HSD17B11: variants seen among roughly 807,000 people sequenced by gnomAD.
HSD17B11 encodes estradiol 17-beta-dehydrogenase 11.
In HSD17B11, 22 loss-of-function variants were observed where a neutral mutation model predicts 27.8. That is an observed-to-expected ratio of 0.79 (90% CI 0.56 to 1.13). The LOEUF (loss-of-function observed/expected upper bound fraction) is 1.13, where lower values mean the gene tolerates loss of function less well. Among genes scored for constraint, HSD17B11 ranks in the 50% most tolerant of loss-of-function variants. HSD17B11 has a pLI of 0.00. For synonymous variants in HSD17B11, 117 were observed against 132.8 expected, an observed-to-expected ratio of 0.88 and a Z score of 0.82; for missense variants, 314 against 351.1, an observed-to-expected ratio of 0.89 and a Z score of 0.84.
At chr4:87,382,448 A>AAT in intron 1 of HSD17B11, 86 bp from the exon 2 acceptor site, 1 of 857,384 alleles carries the variant, frequency 1.2e-6, no homozygotes, top group Non-Finnish European at 1.9e-6. Context: ...ATAATTTTTA[A>AAT]AAAGTAGTGA....
chr4:87,385,375 T>C (rs1720282204), intron 1 of HSD17B11, among the ~76,000 whole-genome samples: 1 of 152,156 alleles, frequency 6.6e-6, no homozygotes, highest in South Asian at 2.1e-4. Flanking sequence ...CAGAGTATCA[T>C]ATTCATAGAG....
At chr4:87,379,947 A>G (rs1321965235) in intron 2 of HSD17B11, among the ~76,000 whole-genome samples, 1 of 147,278 alleles carries the variant, frequency 6.8e-6, no homozygotes, top group Non-Finnish European at 1.5e-5. Context: ...TAAGTATATA[A>G]TATTTATCAG....
At chr4:87,346,881 A>G (rs1461759698) in intron 5 of HSD17B11, among the ~76,000 whole-genome samples, 1 of 151,812 alleles carries the variant, frequency 6.6e-6, no homozygotes, top group Non-Finnish European at 1.5e-5. Context: ...AAAAATATAT[A>G]TATGTATATT....
rs57139706 is a variant in HSD17B11, at chr4:87,357,949, A to ATTTTTTTTTTTTTTTTTT, written c.558-551_558-534dup. ...TTGTAACTGAACATTCATTAGAGAA[A>ATTTTTTTTTTTTTTTTTT]TTTTTTTTTTTTTTTTTTTTTTTTT... On this transcript the variant is annotated intron_variant, in intron 4 of 6. Transcript: ENST00000358290. 3.5e-4 allele frequency among the ~76,000 whole-genome samples: 28 copies of ATTTTTTTTTTTTTTTTTT among 80,234 alleles called. 3 individuals carry two copies. The highest frequency in any genetic ancestry group is 5.6e-4 in the Non-Finnish European group (23 of 41,332). The allele number at this position is 80,234 out of a possible 152,430, so 52.6% of individuals were successfully genotyped here. A position where few individuals can be genotyped will look rare whatever the true frequency, so the allele number is the denominator to read the frequency against.
intron 5 of HSD17B11, among the ~76,000 whole-genome samples, chr4:87,353,712 C>G (rs1037727111): frequency 6.6e-6 from 1 of 151,664 alleles, no homozygotes; most frequent in East Asian, 1.9e-4. Context: ...ACGTTAAGGT[C>G]AGCTCTGTGC....
intron 6 of HSD17B11, among the ~76,000 whole-genome samples, chr4:87,338,311 G>A (rs7665638): frequency 1.3e-5 from 2 of 152,010 alleles, no homozygotes; most frequent in African/African-American, 4.8e-5. Context: ...TATTTAGGGA[G>A]TTGTCACATT....
At chr4:87,388,085 T>C (rs558260126) in intron 1 of HSD17B11, among the ~76,000 whole-genome samples, 73 of 151,724 alleles carry the variant, frequency 4.8e-4, no homozygotes, top group African/African-American at 1.7e-3. Context: ...GCTCCAGCCC[T>C]TTAAATCTCT....
At chr4:87,345,627 A>G (rs1735256224) in intron 5 of HSD17B11, among the ~76,000 whole-genome samples, 1 of 152,182 alleles carries the variant, frequency 6.6e-6, no homozygotes, top group Non-Finnish European at 1.5e-5. Flanking sequence ...AAGCAGGGAC[A>G]TTCCTGCTGA....
At chr4:87,368,636 C>T (rs1033471202) in intron 4 of HSD17B11, among the ~76,000 whole-genome samples, 2 of 152,160 alleles carry the variant, frequency 1.3e-5, no homozygotes, top group African/African-American at 2.4e-5. Context: ...AGACTGTTAA[C>T]GCATTCTAAG....
chr4:87,365,726 A>G (rs895120799), intron 4 of HSD17B11, among the ~76,000 whole-genome samples: 2 of 137,230 alleles, frequency 1.5e-5, no homozygotes, highest in African/African-American at 2.9e-5. Context: ...AAGGTGTATA[A>G]AAAAGGTGAA....
intron 6 of HSD17B11, among the ~76,000 whole-genome samples, chr4:87,338,200 G>A (rs1297531464): frequency 6.6e-6 from 1 of 152,084 alleles, no homozygotes; most frequent in African/African-American, 2.4e-5. Context: ...CTGGGCGACA[G>A]AGCGAGACTC....
chr4:87,342,853 C>G (rs2110112734), intron 5 of HSD17B11, among the ~76,000 whole-genome samples: 1 of 152,272 alleles, frequency 6.6e-6, no homozygotes, highest in South Asian at 2.1e-4. Context: ...AAATCGATGG[C>G]TTTTGGCCTA....
At chr4:87,365,706 T>C (rs765184356) in intron 4 of HSD17B11, among the ~76,000 whole-genome samples, 1 of 151,762 alleles carries the variant, frequency 6.6e-6, no homozygotes, top group Non-Finnish European at 1.5e-5. Flanking sequence ...GAAGAAACAG[T>C]TTTACATGCA....
intron 4 of HSD17B11, 52 bp from the exon 5 acceptor site, chr4:87,357,468 G>T (rs772041785): frequency 6.5e-7 from 1 of 1,545,342 alleles, no homozygotes; most frequent in Non-Finnish European, 8.8e-7. Flanking sequence ...ATGTCTGCCT[G>T]TTTTCCTCAG....
intron 2 of HSD17B11, among the ~76,000 whole-genome samples, chr4:87,379,018 C>G (rs1344804901): frequency 7.6e-6 from 1 of 131,828 alleles, no homozygotes; most frequent in East Asian, 2.2e-4. Context: ...GGTGCAGTGG[C>G]ATGATCTCAG....
chr4:87,358,359 T>G (rs1236127454), intron 4 of HSD17B11, among the ~76,000 whole-genome samples: 1 of 152,218 alleles, frequency 6.6e-6, no homozygotes, highest in Non-Finnish European at 1.5e-5. Flanking sequence ...GCACAGTGCT[T>G]GGCTCTTAGG....
At chr4:87,378,961 T>TA (rs1491313608) in intron 2 of HSD17B11, among the ~76,000 whole-genome samples, 207 of 17,530 alleles carry the variant, frequency 0.012, 25 homozygotes, top group East Asian at 0.024. Flanking sequence ...TATATATATA[T>TA]TTTTTTTTTT....
chr4:87,354,306 A>AT (rs1225901495), intron 5 of HSD17B11, among the ~76,000 whole-genome samples: 162 of 152,192 alleles, frequency 1.1e-3, no homozygotes, highest in African/African-American at 3.8e-3. Context: ...CTCCACTAAA[A>AT]AAATAATAAT....
rs1735746390 is a variant in HSD17B11 at position 87,372,814 on chromosome 4, G to C, written c.452C>G (p.Thr151Ser). 1 of 1,587,630 alleles carries C rather than the reference G, an allele frequency of 6.3e-7. No individual in the cohort carries two copies. The highest frequency in any genetic ancestry group is 2.2e-5 in the East Asian group (1 of 44,762). Residue 151 changes from threonine to serine, a missense_variant and splice_region_variant, in exon 4 of 7, where the codon ACT becomes AGT. Physicochemically the swap from Thr to Ser is moderately conservative, Grantham distance 58. Transcript: ENST00000358290. ...FEVNVLAHFW[T>S]TKAFLPAMTK... ...CATTGCAGGAAGAAATGCCTTTGTAGTCTACAAATAGTTTTTATTAAAAGA... is the reference window on the plus strand; with the variant it reads ...CATTGCAGGAAGAAATGCCTTTGTACTCTACAAATAGTTTTTATTAAAAGA...
Sources: allele counts gnomAD v4.1 joint callset (sites outside exome capture counted in the v4.1 genomes callset), GRCh38; gene constraint gnomAD v4.1.1; transcripts MANE v1.5; gene names NCBI Gene and HGNC (gene_info 2026-07-23, HGNC 2026-07-21).